The following STK24 variants were observed in gnomAD, a reference collection of about 807,000 sequenced individuals.
The protein encoded by STK24 is serine/threonine kinase 24.
A neutral mutation model predicts 55.6 loss-of-function variants in STK24; 21 were observed. That is an observed-to-expected ratio of 0.38 (90% confidence interval 0.27 to 0.54). The LOEUF is 0.54. Among genes scored for constraint, STK24 ranks in the 20% least tolerant of loss-of-function variants. The probability of loss-of-function intolerance (pLI) is 0.79; values close to 1 mark genes in which losing one functional copy is unlikely to be tolerated. For missense variants in STK24, 383 were observed against 538.4 expected (o/e 0.71, Z 2.86); for synonymous variants, 200 against 215.2 (o/e 0.93, Z 0.62).
chr13:98,466,389 T>G lies in STK24; in HGVS notation c.770A>C (p.Lys257Thr). The change falls in exon 6 of 11, where the codon AAG becomes ACG. Residue 257 changes from lysine to threonine, a missense_variant. By Grantham distance (78) the Lys-to-Thr change is moderately conservative. Coordinates refer to ENST00000539966, the MANE Select transcript of STK24 (RefSeq NM_001032296.4). ...LKEFVEACLNKEPSFRPTAKE... is the reference protein window; with the variant it reads ...LKEFVEACLNTEPSFRPTAKE... Reference sequence around the variant, plus strand: ...TGGGAAACTTACAAAGCTCGGCTCCTTATTCAAACAGGCCTCCACAAACTC... The same window carrying G: ...TGGGAAACTTACAAAGCTCGGCTCCGTATTCAAACAGGCCTCCACAAACTC... The G allele has an allele frequency of 6.2e-7, 1 of 1,612,366 alleles. No individual in the cohort carries two copies. Among genetic ancestry groups the G allele is most frequent in the Non-Finnish European group, 8.5e-7 (1 of 1,179,986 alleles).
chr13:98,526,618 T>C lies in STK24; in HGVS notation c.43-7145A>G, dbSNP rs569951086. Among the ~76,000 whole-genome samples, 3 of 152,362 alleles carry C rather than the reference T, an allele frequency of 2.0e-5. No homozygotes were observed. In the South Asian group the frequency reaches 6.2e-4, roughly 32 times the overall value. On this transcript the variant is annotated intron_variant, in intron 1 of 10. Coordinates refer to ENST00000539966, the MANE Select transcript of STK24 (RefSeq NM_001032296.4). ...ACAAAAAAGCAAATATTCCATTACA[T>C]GGCTGCATTCAAGTTTATTTAACTG...
At chr13:98,564,155 T>C (rs184677348) in intron 1 of STK24, among the ~76,000 whole-genome samples, 72 of 152,346 alleles carry the variant, frequency 4.7e-4, no homozygotes, top group African/African-American at 1.6e-3. Flanking sequence ...TGATATGAAA[T>C]ACTTTTTCCC....
intron 1 of STK24, among the ~76,000 whole-genome samples, chr13:98,556,427 C>T (rs182031667): frequency 3.9e-5 from 6 of 152,334 alleles, no homozygotes; most frequent in African/African-American, 1.4e-4. Context: ...AAGTCAAGCC[C>T]ACTGCAGCCC....
intron 1 of STK24, among the ~76,000 whole-genome samples, chr13:98,565,022 G>T (rs753037505): frequency 6.6e-6 from 1 of 152,158 alleles, no homozygotes; most frequent in East Asian, 1.9e-4. Flanking sequence ...TTAGGTCAGC[G>T]GTTCCAAAGT....
chr13:98,446,059 G>T lies in STK24; in HGVS notation c.*7114C>A, dbSNP rs772169930. The T allele has an allele frequency of 6.4e-6, 9 of 1,399,682 alleles. No individual in the cohort carries two copies. The South Asian group carries it at 9.3e-5, about 14-fold the overall frequency. The allele number at this position is 1,399,682 out of a possible 1,614,324, so 86.7% of individuals were successfully genotyped here. A position where few individuals can be genotyped will look rare whatever the true frequency, so the allele number is the denominator to read the frequency against. On this transcript the variant is annotated 3_prime_UTR_variant, in exon 11 of 11. Coordinates refer to ENST00000539966, the MANE Select transcript of STK24 (RefSeq NM_001032296.4). ...TGCTCTCTGTGCCCTCCTGGGGCAG[G>T]TGCCCGCTGTGCTTCTCACAGGCCT...
chr13:98,511,873 T>C (rs886853980), intron 2 of STK24, among the ~76,000 whole-genome samples: 2 of 151,638 alleles, frequency 1.3e-5, no homozygotes, highest in Non-Finnish European at 2.9e-5. Flanking sequence ...CACATAGGAC[T>C]ATACATCCAA....
At chr13:98,537,893 G>C (rs1896779168) in intron 1 of STK24, among the ~76,000 whole-genome samples, 1 of 152,132 alleles carries the variant, frequency 6.6e-6, no homozygotes, top group African/African-American at 2.4e-5. Context: ...CCACAACACA[G>C]GGCTGTGGGA....
At position 98,461,770 on chromosome 13, in the gene STK24, G is replaced by T. The variant is rs183160214; in HGVS notation, c.1053+4C>A. On this transcript the variant is annotated splice_donor_region_variant and intron_variant, in intron 8 of 10. Transcript: ENST00000539966. The stretch of plus-strand genomic sequence containing the variant: ...CGTGGCCATTCTGGAGTGAGCAGAC[G>T]TACCTTATTTCTGTCCAAGTCCGAT... 2,089 of 1,613,790 alleles carry T rather than the reference G, an allele frequency of 1.3e-3. 9 individuals are homozygous for T. The highest frequency in any genetic ancestry group is 1.5e-3 in the Non-Finnish European group (1,771 of 1,179,758).
At chr13:98,506,309 C>T (rs1162487005) in intron 2 of STK24, among the ~76,000 whole-genome samples, 1 of 152,162 alleles carries the variant, frequency 6.6e-6, no homozygotes, top group Non-Finnish European at 1.5e-5. Context: ...AAATACAGGT[C>T]GTCAGGAAGG....
intron 1 of STK24, among the ~76,000 whole-genome samples, chr13:98,530,369 G>A (rs1896550497): frequency 6.6e-6 from 1 of 152,160 alleles, no homozygotes; most frequent in African/African-American, 2.4e-5. Flanking sequence ...TCACAGATTA[G>A]GTGACAGCTG....
In STK24 at chr13:98,495,667, CAG is replaced by C. The variant is rs1464484763; in HGVS notation, c.274-13348_274-13347del. ...AGTTACACTAGGACAGTGTGTTCAG[CAG>C]AGAGAAAGGGATCATAGTCCTTGTC... On this transcript the variant is annotated intron_variant, in intron 2 of 10. Transcript: ENST00000539966. Among the ~76,000 whole-genome samples the C allele has an allele frequency of 2.0e-5, 3 of 152,324 alleles. 1 individual carries two copies. The highest frequency in any genetic ancestry group is 3.9e-4 in the East Asian group (2 of 5,186).
chr13:98,472,013 G>C (rs1293396371), intron 5 of STK24, among the ~76,000 whole-genome samples: 1 of 152,206 alleles, frequency 6.6e-6, no homozygotes. Flanking sequence ...CATGAGACCA[G>C]AGCGGCCTCC....
chr13:98,537,271 T>C (rs1425351535), intron 1 of STK24, among the ~76,000 whole-genome samples: 1 of 152,202 alleles, frequency 6.6e-6, no homozygotes, highest in Non-Finnish European at 1.5e-5. Context: ...TAAGGACACC[T>C]GTCTTCGTGG....
At chr13:98,515,636 T>C (rs974873731) in intron 2 of STK24, among the ~76,000 whole-genome samples, 8 of 152,226 alleles carry the variant, frequency 5.3e-5, no homozygotes, top group African/African-American at 1.7e-4. Context: ...TCACTGCTAC[T>C]GTCAAAATTA....
At chr13:98,512,493 T>C (rs1895916847) in intron 2 of STK24, among the ~76,000 whole-genome samples, 2 of 151,792 alleles carry the variant, frequency 1.3e-5, no homozygotes, top group African/African-American at 2.4e-5. Flanking sequence ...GGAAGAGCCC[T>C]GCTTTAGCAC....
At chr13:98,556,008 C>G (rs1897281065) in intron 1 of STK24, among the ~76,000 whole-genome samples, 1 of 152,132 alleles carries the variant, frequency 6.6e-6, no homozygotes, top group African/African-American at 2.4e-5. Flanking sequence ...ATGTAAATGT[C>G]TTCCTTTCTC....
At chr13:98,499,656 A>G (rs1483371996) in intron 2 of STK24, among the ~76,000 whole-genome samples, 1 of 152,194 alleles carries the variant, frequency 6.6e-6, no homozygotes, top group Non-Finnish European at 1.5e-5. Context: ...TTGGACTAGA[A>G]GAGTGTTCCA....
chr13:98,473,006 T>C (rs1245768131), intron 5 of STK24, among the ~76,000 whole-genome samples: 1 of 152,018 alleles, frequency 6.6e-6, no homozygotes, highest in Non-Finnish European at 1.5e-5. Flanking sequence ...GGGATATTTG[T>C]CACCTAAGGC....
rs200545303 is a variant in STK24, at chr13:98,446,699, G to T, written c.*6474C>A. 1 of 1,613,774 alleles carries T rather than the reference G, an allele frequency of 6.2e-7. No homozygotes were observed. The highest frequency in any genetic ancestry group is 1.7e-5 in the Admixed American group (1 of 59,970). ...TCCCCTTGCCAGCCTGCCTCTGCTC[G>T]GCTACTCGCTCACCATCCCCTCTGA... On this transcript the variant is annotated 3_prime_UTR_variant, in exon 11 of 11. Transcript: ENST00000539966.
Sources: allele counts gnomAD v4.1 joint callset (sites outside exome capture counted in the v4.1 genomes callset), GRCh38; gene constraint gnomAD v4.1.1; transcripts MANE v1.5; gene names NCBI Gene and HGNC (gene_info 2026-07-23, HGNC 2026-07-21).